Variants in SLC25A31 observed in about 807,000 individuals in gnomAD.
The protein encoded by SLC25A31 is solute carrier family 25 member 31.
A neutral mutation model predicts 36.2 loss-of-function variants in SLC25A31; 40 were observed. The ratio of observed to expected loss-of-function variants is 1.10; its 90% CI spans 0.86 to 1.44. The LOEUF is 1.44. SLC25A31 is among the 40% of genes most tolerant of loss of function. The pLI is 0.00. For missense variants in SLC25A31, 350 were observed against 397.1 expected (o/e 0.88, Z 1.01); for synonymous variants, 143 against 149.7 (o/e 0.96, Z 0.32).
chr4:127,772,028 G>A (rs1054595915), intron 5 of SLC25A31, among the ~76,000 whole-genome samples: 1 of 152,118 alleles, frequency 6.6e-6, no homozygotes, highest in African/African-American at 2.4e-5. Context: ...ACACTGGCTT[G>A]TATTTTTCCT....
At chr4:127,763,589 A>G (rs1000180708) in intron 2 of SLC25A31, among the ~76,000 whole-genome samples, 1 of 152,352 alleles carries the variant, frequency 6.6e-6, no homozygotes, top group East Asian at 1.9e-4. Flanking sequence ...TACTTCTTCA[A>G]TAGCTCATGT....
In SLC25A31 at chr4:127,730,749, C is replaced by G; in HGVS notation, c.204C>G (p.Asp68Glu). The stretch of plus-strand genomic sequence containing the variant: ...AGGCGCGGTACAAAGGCATGGTGGA[C>G]TGCCTGGTGCGGATTCCTCGCGAGC... ...SPEARYKGMV[D>E]CLVRIPREQG... The change falls in exon 1 of 6, where the codon GAC (aspartate) becomes GAG (glutamate). Residue 68 changes from aspartate (D) to glutamate (E), a missense_variant. Asp to Glu is a conservative substitution (Grantham distance 45). Transcript: ENST00000281154. 1 of 1,612,648 alleles carries G rather than the reference C, an allele frequency of 6.2e-7. No individual in the cohort carries two copies. The highest frequency in any genetic ancestry group is 2.2e-5 in the East Asian group (1 of 44,834).
At chr4:127,740,147 G>T (rs1731707168) in intron 1 of SLC25A31, among the ~76,000 whole-genome samples, 1 of 152,122 alleles carries the variant, frequency 6.6e-6, no homozygotes, top group African/African-American at 2.4e-5. Flanking sequence ...TTTTTGTGGT[G>T]CCTGATTTCT....
chr4:127,771,688 A>AT (rs1190120333), intron 5 of SLC25A31, among the ~76,000 whole-genome samples: 1 of 152,186 alleles, frequency 6.6e-6, no homozygotes, highest in Non-Finnish European at 1.5e-5. Context: ...GTTCCTAATC[A>AT]TACAGAAAAT....
At chr4:127,733,160 A>G (rs1731561449) in intron 1 of SLC25A31, among the ~76,000 whole-genome samples, 1 of 152,146 alleles carries the variant, frequency 6.6e-6, no homozygotes, top group Non-Finnish European at 1.5e-5. Flanking sequence ...ATAAGGAAGT[A>G]GAAAAAAGAT....
intron 5 of SLC25A31, 38 bp from the exon 6 acceptor site, chr4:127,773,348 T>C (rs1023105431): frequency 5.8e-6 from 9 of 1,560,186 alleles, no homozygotes; most frequent in Non-Finnish European, 7.8e-6. Context: ...ATAAAAGATA[T>C]TCAGATAATG....
chr4:127,764,323 T>A lies in SLC25A31; in HGVS notation c.441T>A (p.Asp147Glu). 1.2e-6 allele frequency: 2 copies of A among 1,613,990 alleles called. No homozygotes were observed. The highest frequency in any genetic ancestry group is 1.7e-6 in the Non-Finnish European group (2 of 1,179,928). ...CCTTATGTGTAGTATATCCTCTAGA[T>A]TTTGCCCGAACCCGATTAGGTGTCG... ...ATSLCVVYPL[D>E]FARTRLGVDI... Residue 147 changes from aspartate to glutamate, a missense_variant, in exon 3 of 6, where the codon GAT becomes GAA. Coordinates refer to ENST00000281154, the MANE Select transcript of SLC25A31 (RefSeq NM_031291.4).
chr4:127,767,322 AAATC>A (rs1164833184), intron 4 of SLC25A31, 102 bp downstream of exon 4: 2 of 1,116,666 alleles, frequency 1.8e-6, no homozygotes, highest in Non-Finnish European at 2.4e-6. Flanking sequence ...ATAAAAATAA[AAATC>A]AGTGATGAAA....
intron 1 of SLC25A31, among the ~76,000 whole-genome samples, chr4:127,730,991 C>G (rs1372819130): frequency 6.6e-6 from 1 of 152,230 alleles, no homozygotes; most frequent in African/African-American, 2.4e-5. Flanking sequence ...AGTCCTGGTA[C>G]CGGGGAGACC....
rs189602315 is a variant in SLC25A31, at chr4:127,758,017, G to A, written c.361-6226G>A. On this transcript the variant is annotated intron_variant, in intron 2 of 5. Transcript: ENST00000281154. ...GGTGAAGGGCACTTCTTACATGGTAGTGGCAAGAGAAAAATGAGGAGGAAG... is the reference window on the plus strand; with the variant it reads ...GGTGAAGGGCACTTCTTACATGGTAATGGCAAGAGAAAAATGAGGAGGAAG... 3.3e-5 allele frequency among the ~76,000 whole-genome samples: 5 copies of A among 152,248 alleles called. No individual in the cohort carries two copies. In the East Asian group the frequency reaches 9.7e-4, roughly 29 times the overall value.
chr4:127,742,890 G>T (rs1462997462), intron 1 of SLC25A31, among the ~76,000 whole-genome samples: 1 of 152,040 alleles, frequency 6.6e-6, no homozygotes, highest in Non-Finnish European at 1.5e-5. Flanking sequence ...CCCATTGGTT[G>T]TTAAGAGCAT....
intron 5 of SLC25A31, among the ~76,000 whole-genome samples, chr4:127,770,454 A>G (rs942067112): frequency 2.6e-5 from 4 of 151,872 alleles, no homozygotes; most frequent in Non-Finnish European, 5.9e-5. Context: ...GTGAAACTCC[A>G]TCTCTACTAA....
At chr4:127,739,323 G>A (rs1386570067) in intron 1 of SLC25A31, among the ~76,000 whole-genome samples, 1 of 152,046 alleles carries the variant, frequency 6.6e-6, no homozygotes, top group Admixed American at 6.6e-5. Context: ...TGCTTGCCTG[G>A]AAAAGATTTT....
intron 2 of SLC25A31, among the ~76,000 whole-genome samples, chr4:127,750,110 G>C (rs1190885736): frequency 3.3e-5 from 5 of 152,156 alleles, no homozygotes; most frequent in African/African-American, 1.2e-4. Flanking sequence ...ATGAAAGAGA[G>C]TTAAAGACAC....
Position 127,773,387 on chromosome 4 carries a change from G to C in SLC25A31, c.761G>C (p.Ser254Thr). ...DTVRRRMMMQ[S>T]GEAKRQYKGT... ...AACCCTTTGTTTTTCTTTGTATAGA[G>C]TGGTGAGGCTAAACGGCAATATAAA... Residue 254 changes from serine to threonine, a missense_variant and splice_region_variant, in exon 6 of 6, where the codon AGT becomes ACT. By Grantham distance (58) the Ser-to-Thr change is moderately conservative (BLOSUM62 1). Coordinates refer to ENST00000281154, the MANE Select transcript of SLC25A31 (RefSeq NM_031291.4). 6.2e-7 allele frequency: 1 copy of C among 1,609,142 alleles called. No individual in the cohort carries two copies. The highest frequency in any genetic ancestry group is 8.5e-7 in the Non-Finnish European group (1 of 1,178,698).
At chr4:127,742,304 T>G (rs1181809640) in intron 1 of SLC25A31, among the ~76,000 whole-genome samples, 1 of 152,136 alleles carries the variant, frequency 6.6e-6, no homozygotes, top group East Asian at 1.9e-4. Context: ...GAAACCAACC[T>G]TTGGGCCTCC....
At chr4:127,733,127 G>C (rs573917858) in intron 1 of SLC25A31, among the ~76,000 whole-genome samples, 1 of 152,258 alleles carries the variant, frequency 6.6e-6, no homozygotes, top group South Asian at 2.1e-4. Context: ...AGTATACACT[G>C]ATTCCAGTAA....
intron 2 of SLC25A31, among the ~76,000 whole-genome samples, chr4:127,754,821 T>C (rs2148759931): frequency 6.6e-6 from 1 of 152,208 alleles, no homozygotes; most frequent in East Asian, 1.9e-4. Flanking sequence ...AAAAAAAGAA[T>C]CCTTCAATTT....
intron 2 of SLC25A31, among the ~76,000 whole-genome samples, chr4:127,757,086 T>A (rs573646526): frequency 7.9e-5 from 12 of 152,284 alleles, no homozygotes; most frequent in Non-Finnish European, 1.6e-4. Flanking sequence ...AGTAGGCAAA[T>A]GATTAAACTG....
Sources: gnomAD v4.1 joint callset for allele counts (sites outside exome capture counted in the v4.1 genomes callset) on GRCh38, gnomAD v4.1.1 for gene constraint, MANE v1.5 for transcripts, NCBI Gene and HGNC (gene_info 2026-07-23, HGNC 2026-07-21) for gene names.